The following NCAPD2 variants were observed in gnomAD, a reference collection of about 807,000 sequenced individuals.
NCAPD2 encodes condensin complex subunit 1.
NCAPD2 carries 100 observed loss-of-function variants against 164.5 expected under a neutral mutation model. That is an observed-to-expected ratio of 0.61 (90% confidence interval 0.52 to 0.72). The LOEUF (loss-of-function observed/expected upper bound fraction) is 0.72. Ranked by LOEUF, NCAPD2 falls within the 30% of genes least tolerant of loss-of-function variation. The pLI is 0.00. For missense variants in NCAPD2, 1,560 were observed against 1,749.2 expected (o/e 0.89, Z 1.93); for synonymous variants, 585 against 642.6 (o/e 0.91, Z 1.36).
intron 6 of NCAPD2, among the ~76,000 whole-genome samples, chr12:6,513,444 G>A (rs183110264): frequency 7.1e-4 from 108 of 152,172 alleles, no homozygotes; most frequent in Non-Finnish European, 1.2e-3. Context: ...GCTATGAGGA[G>A]GTCAAGGATG....
At chr12:6,517,166 T>A in intron 10 of NCAPD2, 141 bp downstream of exon 10, 1 of 1,248,954 alleles carries the variant, frequency 8.0e-7, no homozygotes, top group Non-Finnish European at 1.1e-6. Context: ...AGTCTTCCTC[T>A]ACCAAGGACG....
Position 6,517,012 on chromosome 12 carries a change from T to C in NCAPD2, c.1172T>C (p.Ile391Thr). 6.2e-7 allele frequency: 1 copy of C among 1,614,148 alleles called. No homozygotes were observed. The highest frequency in any genetic ancestry group is 8.5e-7 in the Non-Finnish European group (1 of 1,180,028). The change falls in exon 10 of 32, where the codon ATT becomes ACT. Residue 391 changes from isoleucine to threonine, a missense_variant. Coordinates refer to ENST00000315579, the MANE Select transcript of NCAPD2 (RefSeq NM_014865.4). ...RSRVLQLFTR[I>T]VQQKALPLTR... is the part of the protein sequence containing the mutation. ...CGTGTTTTGCAGCTCTTCACCCGAA[T>C]TGTCCAGCAGAAGGTAACCAACTTC...
intron 2 of NCAPD2, among the ~76,000 whole-genome samples, chr12:6,506,545 G>A (rs548391093): frequency 2.0e-5 from 3 of 151,274 alleles, no homozygotes; most frequent in Admixed American, 6.6e-5. Flanking sequence ...AGCCGAGATC[G>A]CACCACTGCA....
rs773466018 is a variant in NCAPD2, at chr12:6,526,213, G to A, written c.2481+13G>A. 6.2e-7 allele frequency: 1 copy of A among 1,614,054 alleles called. No individual in the cohort carries two copies. The highest frequency in any genetic ancestry group is 1.3e-5 in the African/African-American group (1 of 74,922). ...GGACAGGAGAAAGGTATGTGGGGGTGGTTCCAAACTAAGGAGAGTGGAGAT... is the reference window on the plus strand; with the variant it reads ...GGACAGGAGAAAGGTATGTGGGGGTAGTTCCAAACTAAGGAGAGTGGAGAT... On this transcript the variant is annotated intron_variant, in intron 19 of 31. Transcript: ENST00000315579.
intron 16 of NCAPD2, 79 bp from the exon 17 acceptor site, chr12:6,523,183 G>T (rs1184973241): frequency 2.0e-6 from 3 of 1,500,290 alleles, no homozygotes; most frequent in Non-Finnish European, 2.8e-6. Flanking sequence ...TAGCACTGTG[G>T]TGGGATAGCC....
intron 2 of NCAPD2, among the ~76,000 whole-genome samples, chr12:6,495,546 C>T (rs1367909386): frequency 6.6e-6 from 1 of 152,092 alleles, no homozygotes; most frequent in South Asian, 2.1e-4. Context: ...AGGAGTGGAT[C>T]GCTTTTTCAG....
At position 6,528,814 on chromosome 12, in the gene NCAPD2, T is replaced by A; in HGVS notation, c.3435T>A (p.Ile1145=). The A allele has an allele frequency of 6.2e-7, 1 of 1,613,948 alleles. No homozygotes were observed. The highest frequency in any genetic ancestry group is 8.5e-7 in the Non-Finnish European group (1 of 1,179,906). The part of the protein sequence containing the change: ...AVLLIDPEPQ[I]AALAKNFFNE... ...TGCTCATCGACCCCGAGCCTCAGAT[T>A]GCTGCCCTGGCCAAGAACTTCTTCA... The change falls in exon 26 of 32, where the codon ATT becomes ATA. Residue 1145 remains isoleucine, a synonymous_variant. Coordinates refer to ENST00000315579, the MANE Select transcript of NCAPD2 (RefSeq NM_014865.4). This position sits in a 1 kb window ranked among gnomAD's most constrained non-coding sequence, Gnocchi z 5.1.
At chr12:6,495,343 G>T (rs1945969252) in intron 2 of NCAPD2, 118 bp downstream of exon 2, 7 of 1,312,540 alleles carry the variant, frequency 5.3e-6, no homozygotes, top group Non-Finnish European at 7.3e-6. Flanking sequence ...CAAGAAACAT[G>T]TTTTTCCTAT....
chr12:6,509,966 AT>A, intron 3 of NCAPD2, 108 bp from the exon 4 acceptor site: 1 of 1,335,844 alleles, frequency 7.5e-7, no homozygotes, highest in Non-Finnish European at 1.1e-6. Flanking sequence ...CAGTTGAACA[AT>A]TTCACGTGTA....
chr12:6,527,446 AC>A (rs981975253), intron 22 of NCAPD2, among the ~76,000 whole-genome samples: 1 of 152,186 alleles, frequency 6.6e-6, no homozygotes, highest in African/African-American at 2.4e-5. Context: ...GACAAATAAG[AC>A]ACAGAGCCTT....
intron 2 of NCAPD2, among the ~76,000 whole-genome samples, chr12:6,506,756 G>A (rs1036735345): frequency 3.3e-5 from 5 of 152,144 alleles, no homozygotes; most frequent in Admixed American, 2.6e-4. Flanking sequence ...GAGGCAGCCC[G>A]ATTGCTTGAG....
intron 14 of NCAPD2, 131 bp from the exon 15 acceptor site, chr12:6,521,667 C>T: frequency 8.4e-7 from 1 of 1,183,904 alleles, no homozygotes; most frequent in Non-Finnish European, 1.2e-6. Flanking sequence ...GCCTAGGCAA[C>T]AGAGTGAGAC....
chr12:6,527,140 T>G (rs1407373948), intron 22 of NCAPD2, 77 bp downstream of exon 22: 1 of 1,409,080 alleles, frequency 7.1e-7, no homozygotes, highest in Non-Finnish European at 9.5e-7. Context: ...CTTCCGGCAA[T>G]CTCTGCTCCT....
intron 14 of NCAPD2, 36 bp downstream of exon 14, chr12:6,521,146 A>G (rs1254797096): frequency 1.9e-6 from 3 of 1,602,418 alleles, no homozygotes; most frequent in South Asian, 1.1e-5. Context: ...TAAATAACAC[A>G]TGTCAACTGG....
intron 2 of NCAPD2, among the ~76,000 whole-genome samples, chr12:6,500,844 C>T (rs1946027645): frequency 6.6e-6 from 1 of 152,048 alleles, no homozygotes; most frequent in Admixed American, 6.6e-5. Flanking sequence ...CTGTGTTGAG[C>T]AGAGACTATA....
chr12:6,521,324 A>G (rs1037898295), intron 14 of NCAPD2, among the ~76,000 whole-genome samples: 3 of 152,188 alleles, frequency 2.0e-5, no homozygotes, highest in African/African-American at 7.2e-5. Context: ...GTCTTTAGGT[A>G]TGGTTTTTGA....
At chr12:6,495,288 T>C in intron 2 of NCAPD2, 63 bp downstream of exon 2, 11 of 1,575,940 alleles carry the variant, frequency 7.0e-6, no homozygotes, top group Admixed American at 1.7e-5. Flanking sequence ...ATGGAATTGC[T>C]ACATTGTCAT....
chr12:6,504,214 T>TATATAG (rs1565539606), intron 2 of NCAPD2, among the ~76,000 whole-genome samples: 2 of 21,170 alleles, frequency 9.4e-5, no homozygotes, highest in Non-Finnish European at 7.7e-5. Context: ...TATATATATA[T>TATATAG]ATAGATATAG....
At chr12:6,521,567 A>C (rs926599223) in intron 14 of NCAPD2, among the ~76,000 whole-genome samples, 4 of 75,506 alleles carry the variant, frequency 5.3e-5, no homozygotes, top group African/African-American at 9.5e-5. Flanking sequence ...ACGCACCTGT[A>C]GTCCCAACTG....
Sources: gnomAD v4.1 joint callset for allele counts (sites outside exome capture counted in the v4.1 genomes callset) on GRCh38, gnomAD v4.1.1 for gene constraint, Gnocchi (gnomAD v3.1) non-coding constraint, MANE v1.5 for transcripts, NCBI Gene and HGNC (gene_info 2026-07-23, HGNC 2026-07-21) for gene names.